Variants in DMD observed in about 807,000 individuals in gnomAD.
DMD encodes the protein mutant dystrophin.
A neutral mutation model predicts 330.1 loss-of-function variants in DMD; 63 were observed. The ratio of observed to expected loss-of-function variants is 0.19; its 90% CI spans 0.16 to 0.24. The LOEUF is 0.24. DMD is among the 10% of genes least tolerant of loss of function. DMD has a pLI of 1.00. For missense variants in DMD, 3,344 were observed against 2,684.1 expected, an observed-to-expected ratio of 1.25 and a Z score of -5.43; for synonymous variants, 1,223 against 959.8, an observed-to-expected ratio of 1.27 and a Z score of -5.07.
At chrX:32,240,667 G>T (rs2097204956) in intron 43 of DMD, among the ~76,000 whole-genome samples, 1 of 111,725 alleles carries the variant, frequency 9.0e-6, no homozygotes, top group South Asian at 3.7e-4. Context: ...AAGGTGAAGA[G>T]GGACTGCTGG....
intron 29 of DMD, among the ~76,000 whole-genome samples, chrX:32,422,732 A>G: frequency 8.9e-6 from 1 of 111,795 alleles, no homozygotes; most frequent in African/African-American, 3.2e-5. Flanking sequence ...ACTGGAATAC[A>G]CTGCAAAGAA....
chrX:31,430,002 C>T (rs2063948149), intron 60 of DMD, among the ~76,000 whole-genome samples: 1 of 111,106 alleles, frequency 9.0e-6, no homozygotes, highest in Non-Finnish European at 1.9e-5. Context: ...GAGAAGGATG[C>T]CTGTTTAGTT....
chrX:31,531,627 G>T (rs1569549860), intron 55 of DMD, among the ~76,000 whole-genome samples: 1 of 103,573 alleles, frequency 9.7e-6, no homozygotes, highest in African/African-American at 3.6e-5. Context: ...GTTGTAGGTT[G>T]CCTGTTCACT....
chrX:31,492,168 A>C (rs1291546277), intron 57 of DMD, among the ~76,000 whole-genome samples: 1 of 112,650 alleles, frequency 8.9e-6, no homozygotes, highest in Non-Finnish European at 1.9e-5. Flanking sequence ...AGAGCAATAC[A>C]ATGTACAATT....
chrX:32,379,206 A>C (rs1433066022), intron 34 of DMD, among the ~76,000 whole-genome samples: 1 of 109,740 alleles, frequency 9.1e-6, no homozygotes, highest in Admixed American at 9.8e-5. Context: ...CAGTTTTCTA[A>C]GCTTTTTTTT....
At chrX:33,072,485 C>A (rs1020827057) in intron 1 of DMD, among the ~76,000 whole-genome samples, 1 of 112,174 alleles carries the variant, frequency 8.9e-6, no homozygotes, top group Non-Finnish European at 1.9e-5. Flanking sequence ...TTTCACATAA[C>A]CTCTCTGTTA....
chrX:32,234,681 C>G lies in DMD; in HGVS notation c.6291-17618G>C, dbSNP rs1284652724. The stretch of plus-strand genomic sequence containing the variant: ...TCCTTCCTCCGATCCATCCATCAAT[C>G]AATCATATTTTTGATGCATATCCAG... On this transcript the variant is annotated intron_variant, in intron 43 of 78. Coordinates refer to ENST00000357033, the MANE Select transcript of DMD (RefSeq NM_004006.3). Among the ~76,000 whole-genome samples, 10 of 112,347 alleles carry G rather than the reference C, an allele frequency of 8.9e-5. No homozygotes were observed. In the Admixed American group the frequency reaches 9.4e-4, roughly 11 times the overall value.
At chrX:31,550,865 G>A (rs1023413318) in intron 55 of DMD, among the ~76,000 whole-genome samples, 1 of 111,838 alleles carries the variant, frequency 8.9e-6, no homozygotes, top group African/African-American at 3.3e-5. Context: ...AAGGAGGAGA[G>A]GAAAAGGAAG....
At chrX:32,789,357 G>A (rs1254344966) in intron 7 of DMD, among the ~76,000 whole-genome samples, 1 of 112,005 alleles carries the variant, frequency 8.9e-6, no homozygotes, top group East Asian at 2.8e-4. Context: ...AACAAATGCT[G>A]GGACAACAGA....
At chrX:32,504,388 C>A (rs1227200083) in intron 18 of DMD, among the ~76,000 whole-genome samples, 1 of 111,085 alleles carries the variant, frequency 9.0e-6, no homozygotes. Context: ...CTTTGGGGGG[C>A]CAACGCGGGT....
At chrX:33,032,667 G>C (rs2094135463) in intron 1 of DMD, among the ~76,000 whole-genome samples, 1 of 112,071 alleles carries the variant, frequency 8.9e-6, no homozygotes, top group South Asian at 3.7e-4. Flanking sequence ...AAAACAAGCA[G>C]GTTGTTCTCA....
chrX:32,026,923 G>A (rs1171770189), intron 44 of DMD, among the ~76,000 whole-genome samples: 4 of 110,933 alleles, frequency 3.6e-5, no homozygotes, highest in African/African-American at 1.3e-4. Flanking sequence ...GTAAGAAGAT[G>A]GAAAAGGTAT....
intron 1 of DMD, among the ~76,000 whole-genome samples, chrX:33,058,109 A>G (rs914061915): frequency 9.0e-6 from 1 of 111,403 alleles, no homozygotes; most frequent in Non-Finnish European, 1.9e-5. Context: ...CTGACTCCTG[A>G]TCTCAAGTGA....
chrX:31,396,738 C>T lies in DMD; in HGVS notation c.9084+47743G>A, dbSNP rs146766902. ...CCTTTCACTAACTGATTAAATAACG[C>T]ATGGGCATATGTATAGCTACACGTG... On this transcript the variant is annotated intron_variant, in intron 60 of 78. Coordinates refer to ENST00000357033, the MANE Select transcript of DMD (RefSeq NM_004006.3). 2.6e-3 allele frequency among the ~76,000 whole-genome samples: 286 copies of T among 111,285 alleles called. 1 individual carries two copies. Among genetic ancestry groups the T allele is most frequent in the African/African-American group, 8.7e-3 (267 of 30,654 alleles).
At chrX:32,815,520 T>TATATATATATATATATACACACACAC in intron 6 of DMD, among the ~76,000 whole-genome samples, 25 of 78,886 alleles carry the variant, frequency 3.2e-4, no homozygotes, top group African/African-American at 1.2e-3. Flanking sequence ...TATATATATA[T>TATATATATATATATATACACACACAC]ACACACACAC....
intron 2 of DMD, among the ~76,000 whole-genome samples, chrX:32,879,176 CTG>C (rs1468781467): frequency 1.8e-5 from 2 of 111,183 alleles, no homozygotes; most frequent in Admixed American, 9.5e-5. Flanking sequence ...AGAAGGAAAA[CTG>C]AAAGTCTACT....
intron 1 of DMD, among the ~76,000 whole-genome samples, chrX:33,288,271 C>T (rs2053463152): frequency 9.0e-6 from 1 of 111,449 alleles, no homozygotes; most frequent in African/African-American, 3.3e-5. Flanking sequence ...TCATGGGTGC[C>T]ATTCCACTGG....
At chrX:32,805,982 C>T (rs1569525632) in intron 7 of DMD, among the ~76,000 whole-genome samples, 1 of 111,881 alleles carries the variant, frequency 8.9e-6, no homozygotes, top group Non-Finnish European at 1.9e-5. Flanking sequence ...CAGAAGCATA[C>T]CAAATTGTAA....
intron 7 of DMD, among the ~76,000 whole-genome samples, chrX:32,796,390 C>G (rs893760941): frequency 9.0e-6 from 1 of 111,072 alleles, no homozygotes; most frequent in Non-Finnish European, 1.9e-5. Context: ...TTTTCTTACT[C>G]ATATATAGGT....
Sources: gnomAD v4.1 joint callset for allele counts (sites outside exome capture counted in the v4.1 genomes callset) on GRCh38, gnomAD v4.1.1 for gene constraint, MANE v1.5 for transcripts, NCBI Gene and HGNC (gene_info 2026-07-23, HGNC 2026-07-21) for gene names.